The following TOMM40 variants were observed in gnomAD, a reference collection of about 807,000 sequenced individuals.
The protein encoded by TOMM40 is mitochondrial import receptor subunit TOM40 homolog.
Under a neutral mutation model 38.4 loss-of-function variants are expected in TOMM40, and 9 were observed. The observed-to-expected ratio is 0.23, with a 90% CI of 0.14 to 0.41. The LOEUF is 0.41. Ranked by LOEUF, TOMM40 falls within the 10% of genes least tolerant of loss-of-function variation. The probability of loss-of-function intolerance (pLI) is 1.00; values close to 1 mark genes in which losing one functional copy is unlikely to be tolerated. For synonymous variants in TOMM40, 184 were observed against 210.0 expected, an observed-to-expected ratio of 0.88 and a Z score of 1.07; for missense variants, 299 against 486.5, an observed-to-expected ratio of 0.61 and a Z score of 3.63.
Position 44,894,058 on chromosome 19 carries a change from T to C in TOMM40, c.635T>C (p.Val212Ala). The C allele has an allele frequency of 6.6e-7, 1 of 1,514,108 alleles. No individual in the cohort carries two copies. Among genetic ancestry groups the C allele is most frequent in the Non-Finnish European group, 8.8e-7 (1 of 1,130,028 alleles). The allele number at this position is 1,514,108 out of a possible 1,614,324, so 93.8% of individuals were successfully genotyped here. ...ACCCTGGGGAACCCAGACGTCCTCG[T>C]GGGTTCAGGTAAGAGGCGGAGGGCT... ...AVTLGNPDVLVGSGILVAHYL... is the reference protein window; with the variant it reads ...AVTLGNPDVLAGSGILVAHYL... The change falls in exon 5 of 9, where the codon GTG becomes GCG. Residue 212 changes from valine to alanine, a missense_variant. Physicochemically the swap from Val to Ala is moderately conservative, Grantham distance 64 (BLOSUM62 0). Transcript: ENST00000426677.
intron 5 of TOMM40, among the ~76,000 whole-genome samples, chr19:44,895,155 C>T (rs530868255): frequency 3.1e-4 from 47 of 152,060 alleles, no homozygotes; most frequent in East Asian, 2.9e-3. Flanking sequence ...CTCGTGCAGG[C>T]GGGGAGGGGA....
intron 6 of TOMM40, 67 bp from the exon 7 acceptor site, chr19:44,900,961 G>A (rs1357053280): frequency 6.2e-7 from 1 of 1,610,018 alleles, no homozygotes; most frequent in South Asian, 1.1e-5. Context: ...GAGGGAGGAG[G>A]CCTGGGTTCC....
Position 44,893,887 on chromosome 19 carries a change from T to C in TOMM40, c.537+6T>C, listed in dbSNP as rs1188291250. On this transcript the variant is annotated splice_donor_region_variant and intron_variant, in intron 4 of 8. Transcript: ENST00000426677. Reference sequence around the variant, plus strand: ...GGTCCAAGATGGCCATCCAGGTGAGTGGGGCACGGAGGCTGCTGCTCCCCT... The same window carrying C: ...GGTCCAAGATGGCCATCCAGGTGAGCGGGGCACGGAGGCTGCTGCTCCCCT... 6.2e-7 allele frequency: 1 copy of C among 1,611,752 alleles called. No individual in the cohort carries two copies.
intron 5 of TOMM40, among the ~76,000 whole-genome samples, chr19:44,896,481 C>T (rs573980724): frequency 6.6e-6 from 1 of 152,360 alleles, no homozygotes; most frequent in South Asian, 2.1e-4. Flanking sequence ...ACAGTCACCA[C>T]TTGCTCCACT....
Position 44,891,454 on chromosome 19 carries a change from G to T in TOMM40, c.39G>T (p.Gly13=). The change falls in exon 1 of 9, where the codon GGG becomes GGT. Residue 13 remains glycine, a synonymous_variant. Transcript: ENST00000426677. ...NVLAASSPPA[G]PPPPPAPALV... is the part of the protein sequence containing the mutation. Reference sequence around the variant, plus strand: ...TGGCTGCCAGCTCGCCGCCCGCAGGGCCGCCACCGCCGCCTGCGCCGGCCC... The same window carrying T: ...TGGCTGCCAGCTCGCCGCCCGCAGGTCCGCCACCGCCGCCTGCGCCGGCCC... The T allele has an allele frequency of 7.7e-7, 1 of 1,296,328 alleles. No individual in the cohort carries two copies. The highest frequency in any genetic ancestry group is 9.7e-7 in the Non-Finnish European group (1 of 1,027,912). The allele number at this position is 1,296,328 out of a possible 1,614,324, so 80.3% of individuals were successfully genotyped here.
chr19:44,900,977 G>T lies in TOMM40; in HGVS notation c.767-51G>T, dbSNP rs755335991. ...AGGGAGGAGGCCTGGGTTCCCAGAT[G>T]CCCAAATCCCCTTGGTAATGAGACC... is the stretch of plus-strand genomic sequence containing the variant. On this transcript the variant is annotated intron_variant, in intron 6 of 8. Transcript: ENST00000426677. 7.4e-6 allele frequency: 12 copies of T among 1,612,024 alleles called. No individual in the cohort carries two copies. In the Admixed American group the frequency reaches 1.8e-4, roughly 25 times the overall value.
At chr19:44,902,916 T>A in intron 8 of TOMM40, 114 bp from the exon 9 acceptor site, 1 of 1,349,786 alleles carries the variant, frequency 7.4e-7, no homozygotes, top group Admixed American at 2.5e-5. Flanking sequence ...GCAGGAGCAG[T>A]GTGGTTAAAG....
chr19:44,902,747 A>G (rs1426868097), intron 8 of TOMM40: 1 of 317,914 alleles, frequency 3.1e-6, no homozygotes, highest in Non-Finnish European at 5.8e-6. Flanking sequence ...GGACTCAGTG[A>G]GAGGAACAGA....
At chr19:44,893,325 G>A (rs1011754461) in intron 3 of TOMM40, among the ~76,000 whole-genome samples, 3 of 152,176 alleles carry the variant, frequency 2.0e-5, no homozygotes, top group African/African-American at 4.8e-5. Context: ...ACAGGTTCCC[G>A]CTGTAGAAAT....
chr19:44,893,703 G>T, intron 3 of TOMM40, 77 bp from the exon 4 acceptor site: 1 of 1,260,284 alleles, frequency 7.9e-7, no homozygotes, highest in Non-Finnish European at 1.1e-6. Flanking sequence ...TCTGACCCTA[G>T]GCTTCTCACC....
At position 44,891,914 on chromosome 19, in the gene TOMM40, G is replaced by A. The variant is rs146539357; in HGVS notation, c.274+225G>A. Reference sequence around the variant, plus strand: ...CATAGCAGTAGAGAAAAGCCTTTAGGGACCTGAGGAGCCCCGGGATCAGCC... The same window carrying A: ...CATAGCAGTAGAGAAAAGCCTTTAGAGACCTGAGGAGCCCCGGGATCAGCC... On this transcript the variant is annotated intron_variant, in intron 1 of 8. Coordinates refer to ENST00000426677, the MANE Select transcript of TOMM40 (RefSeq NM_001128917.2). Among the ~76,000 whole-genome samples the A allele has an allele frequency of 8.2e-4, 125 of 152,264 alleles. 3 individuals carry two copies. The East Asian group carries it at 0.017, about 20-fold the overall frequency.
At chr19:44,900,091 C>T (rs1044867290) in intron 5 of TOMM40, among the ~76,000 whole-genome samples, 9 of 152,122 alleles carry the variant, frequency 5.9e-5, no homozygotes, top group Admixed American at 1.3e-4. Flanking sequence ...CTTGAAAAGG[C>T]AGCCCAAAGG....
intron 5 of TOMM40, among the ~76,000 whole-genome samples, chr19:44,896,636 C>G (rs1304382339): frequency 1.3e-5 from 2 of 152,160 alleles, no homozygotes; most frequent in African/African-American, 4.8e-5. Flanking sequence ...AATTCAGGAG[C>G]CCGTGAGCCT....
chr19:44,896,862 C>G (rs569454103), intron 5 of TOMM40, among the ~76,000 whole-genome samples: 1 of 152,276 alleles, frequency 6.6e-6, no homozygotes, highest in Admixed American at 6.5e-5. Flanking sequence ...CAAGATCAGC[C>G]TGGGCAACAT....
At chr19:44,898,326 C>T (rs1969606541) in intron 5 of TOMM40, among the ~76,000 whole-genome samples, 1 of 151,912 alleles carries the variant, frequency 6.6e-6, no homozygotes, top group South Asian at 2.1e-4. Flanking sequence ...ACCTGCTTTG[C>T]TCTGTGCTGT....
At chr19:44,902,648 T>G (rs1322604215) in intron 8 of TOMM40, 1 of 165,268 alleles carries the variant, frequency 6.1e-6, no homozygotes, top group Non-Finnish European at 1.3e-5. Flanking sequence ...TTAAGTCTTC[T>G]TGGATATCTG....
chr19:44,901,069 A>C lies in TOMM40; in HGVS notation c.808A>C (p.Met270Leu), dbSNP rs1568610873. Residue 270 changes from methionine to leucine, a missense_variant, in exon 7 of 9, where the codon ATG becomes CTG. Met to Leu is a conservative substitution (Grantham distance 15, BLOSUM62 2). Transcript: ENST00000426677. ...AACGGTAACGTTGGGCCAGGCGGGC[A>C]TGCACGCAACATACTACCACAAAGC... ...LATVTLGQAGMHATYYHKASD... is the reference protein window; with the variant it reads ...LATVTLGQAGLHATYYHKASD... 1.9e-6 allele frequency: 3 copies of C among 1,614,266 alleles called. No individual in the cohort carries two copies. The highest frequency in any genetic ancestry group is 1.7e-6 in the Non-Finnish European group (2 of 1,180,042).
At chr19:44,896,967 C>T (rs571906236) in intron 5 of TOMM40, among the ~76,000 whole-genome samples, 1 of 152,306 alleles carries the variant, frequency 6.6e-6, no homozygotes, top group East Asian at 1.9e-4. Context: ...GCTGGCAGGG[C>T]ACATGCCTAT....
At chr19:44,902,870 A>G in intron 8 of TOMM40, 160 bp from the exon 9 acceptor site, 1 of 846,322 alleles carries the variant, frequency 1.2e-6, no homozygotes, top group Non-Finnish European at 1.8e-6. Flanking sequence ...CATTTGCTCC[A>G]GCGTGAAGTT....
Sources: gnomAD v4.1 joint callset for allele counts (sites outside exome capture counted in the v4.1 genomes callset) on GRCh38, gnomAD v4.1.1 for gene constraint, MANE v1.5 for transcripts, NCBI Gene and HGNC (gene_info 2026-07-23, HGNC 2026-07-21) for gene names.